KCMF1: variants seen among roughly 807,000 people sequenced by gnomAD.
KCMF1 encodes the protein potassium channel modulatory factor 1, also known as E3 ubiquitin-protein ligase KCMF1.
In KCMF1, 3 loss-of-function variants were observed where a neutral mutation model predicts 41.1. The ratio of observed to expected loss-of-function variants is 0.07; its 90% CI spans 0.03 to 0.19. The LOEUF is 0.19. Among genes scored for constraint, KCMF1 ranks in the 10% least tolerant of loss-of-function variants. The pLI is 1.00. For synonymous variants in KCMF1, 142 were observed against 164.5 expected (o/e 0.86, Z 1.04); for missense variants, 286 against 488.9 (o/e 0.58, Z 3.91).
At chr2:85,039,623 T>G (rs942611244) in intron 3 of KCMF1, among the ~76,000 whole-genome samples, 6 of 152,058 alleles carry the variant, frequency 3.9e-5, no homozygotes, top group Non-Finnish European at 7.4e-5. Context: ...TGGAACCATG[T>G]GGAAAAATGG....
chr2:85,033,011 A>G (rs1464071197), intron 2 of KCMF1, among the ~76,000 whole-genome samples: 1 of 152,212 alleles, frequency 6.6e-6, no homozygotes, highest in East Asian at 1.9e-4. Context: ...GAAAGCATCC[A>G]GTCTTTCACC....
chr2:85,010,136 A>G (rs1274814204), intron 1 of KCMF1, among the ~76,000 whole-genome samples: 1 of 152,108 alleles, frequency 6.6e-6, no homozygotes, highest in Non-Finnish European at 1.5e-5. Flanking sequence ...TCAATACAAA[A>G]TTTTAAGAGT....
chr2:85,040,189 T>C (rs1675492316), intron 3 of KCMF1, among the ~76,000 whole-genome samples: 1 of 152,160 alleles, frequency 6.6e-6, no homozygotes, highest in African/African-American at 2.4e-5. Context: ...AATTGACAAG[T>C]TGTTGTAATT....
intron 1 of KCMF1, among the ~76,000 whole-genome samples, chr2:85,011,330 C>T (rs2104004556): frequency 6.6e-6 from 1 of 152,182 alleles, no homozygotes; most frequent in East Asian, 1.9e-4. Flanking sequence ...CCCATAGAAT[C>T]CTTCATTTCT....
At chr2:85,013,619 G>A (rs528686806) in intron 1 of KCMF1, among the ~76,000 whole-genome samples, 159 of 152,136 alleles carry the variant, frequency 1.0e-3, no homozygotes, top group African/African-American at 3.4e-3. Context: ...CCAGCATGGT[G>A]AAACCCCGTC....
rs564761566 is a variant in KCMF1 at position 85,056,769 on chromosome 2, CTT to C, written c.*3361_*3362del. The C allele has an allele frequency of 4.4e-3, 664 of 152,288 alleles. 5 individuals carry two copies. The highest frequency in any genetic ancestry group is 0.01 in the Middle Eastern group (3 of 294). The allele number at this position is 152,288 out of a possible 1,614,324, so 9.4% of individuals were successfully genotyped here. A position where few individuals can be genotyped will look rare whatever the true frequency, so the allele number is the denominator to read the frequency against. On this transcript the variant is annotated 3_prime_UTR_variant, in exon 7 of 7. Coordinates refer to ENST00000409785, the MANE Select transcript of KCMF1 (RefSeq NM_020122.5). ...GATGGAGGAATGGGTGCTAAAAGCTCTTAACAGTTTTGTAGAGAAGCCCTGCA... is the reference window on the plus strand; with the variant it reads ...GATGGAGGAATGGGTGCTAAAAGCTCAACAGTTTTGTAGAGAAGCCCTGCA...
At chr2:84,972,147 A>C (rs1673414509) in intron 1 of KCMF1, 1 of 152,212 alleles carries the variant, frequency 6.6e-6, no homozygotes, top group Non-Finnish European at 1.5e-5. Flanking sequence ...CTCCCTGCTC[A>C]GTCACCCAGG....
chr2:84,994,823 T>C (rs569243492), intron 1 of KCMF1, among the ~76,000 whole-genome samples: 2 of 152,370 alleles, frequency 1.3e-5, no homozygotes, highest in African/African-American at 4.8e-5. Flanking sequence ...ATTTGGTTGA[T>C]AGGTCCTTTA....
rs151112729 is a variant in KCMF1 at position 85,011,053 on chromosome 2, A to G, written c.17-16836A>G. Among the ~76,000 whole-genome samples the G allele has an allele frequency of 4.6e-3, 704 of 152,232 alleles. 11 individuals carry two copies. Among genetic ancestry groups the G allele is most frequent in the Non-Finnish European group, 3.2e-3 (215 of 68,020 alleles). The stretch of plus-strand genomic sequence containing the variant: ...GAAGTGGGGTTTCACCGTGTTGGCC[A>G]TGATGGTCTCGATCTCTTGACCTTG... On this transcript the variant is annotated intron_variant, in intron 1 of 6. Transcript: ENST00000409785.
Position 85,035,137 on chromosome 2 carries a change from A to G in KCMF1, c.306A>G (p.Ala102=), listed in dbSNP as rs1297904065. ...AAGAACATGTTACTTCTGAACATGC[A>G]GAAACATCAACAGAAGTGGTAAGTG... ...SLQEHVTSEH[A]ETSTEVICPI... The change falls in exon 3 of 7, where the codon GCA becomes GCG. Residue 102 remains alanine, a synonymous_variant. Coordinates refer to ENST00000409785, the MANE Select transcript of KCMF1 (RefSeq NM_020122.5). 5 of 1,612,876 alleles carry G rather than the reference A, an allele frequency of 3.1e-6. No homozygotes were observed. The highest frequency in any genetic ancestry group is 4.2e-6 in the Non-Finnish European group (5 of 1,179,490).
intron 1 of KCMF1, among the ~76,000 whole-genome samples, chr2:85,002,132 C>G (rs1674347978): frequency 6.6e-6 from 1 of 152,150 alleles, no homozygotes; most frequent in African/African-American, 2.4e-5. Flanking sequence ...ATTGCAAATA[C>G]AAAATTGTTA....
rs1053735113 is a variant in KCMF1, at chr2:85,056,201, G to A, written c.*2792G>A. On this transcript the variant is annotated 3_prime_UTR_variant, in exon 7 of 7. Coordinates refer to ENST00000409785, the MANE Select transcript of KCMF1 (RefSeq NM_020122.5). The stretch of plus-strand genomic sequence containing the variant: ...ATAATTAGGCTCAGGTAAAGTAAGA[G>A]AAAACTTCTCTCCCTGTGGCCCCCA... 6.7e-6 allele frequency: 1 copy of A among 149,826 alleles called. No individual in the cohort carries two copies. The highest frequency in any genetic ancestry group is 1.5e-5 in the Non-Finnish European group (1 of 67,734). 9.3% of individuals were successfully genotyped at this position (149,826 alleles called of 1,614,324 possible).
intron 1 of KCMF1, among the ~76,000 whole-genome samples, chr2:84,978,120 C>T (rs1482259610): frequency 3.3e-5 from 5 of 151,992 alleles, no homozygotes; most frequent in Non-Finnish European, 5.9e-5. Context: ...GCCTCAGCCT[C>T]TCGAGTAGCT....
intron 1 of KCMF1, among the ~76,000 whole-genome samples, chr2:85,008,312 TATATATATC>T (rs1558573444): frequency 0.058 from 1,039 of 17,768 alleles, 37 homozygotes; most frequent in Middle Eastern, 0.12. Context: ...TATAATATGA[TATATATATC>T]ATATATAATA....
intron 1 of KCMF1, among the ~76,000 whole-genome samples, chr2:85,019,621 A>G (rs1674876797): frequency 6.6e-6 from 1 of 152,112 alleles, no homozygotes; most frequent in African/African-American, 2.4e-5. Flanking sequence ...GCTAATCACC[A>G]AAAAACCCTC....
At chr2:85,028,581 C>G (rs1333717818) in intron 2 of KCMF1, among the ~76,000 whole-genome samples, 3 of 150,976 alleles carry the variant, frequency 2.0e-5, no homozygotes, top group Non-Finnish European at 2.9e-5. Flanking sequence ...CCTCCACCCC[C>G]CAGGTTCAAG....
intron 2 of KCMF1, among the ~76,000 whole-genome samples, chr2:85,032,266 G>GCTTCAAGCGATTCTCCTGC (rs1675295550): frequency 1.3e-5 from 2 of 152,108 alleles, no homozygotes; most frequent in Non-Finnish European, 2.9e-5. Context: ...CCGCCTCCTG[G>GCTTCAAGCGATTCTCCTGC]CTTCAAGCGA....
intron 2 of KCMF1, among the ~76,000 whole-genome samples, chr2:85,029,941 C>G (rs1675224596): frequency 6.6e-6 from 1 of 152,024 alleles, no homozygotes; most frequent in South Asian, 2.1e-4. Flanking sequence ...TGCGGGCCTC[C>G]CAGAGTGCTG....
chr2:85,044,852 C>T (rs1241987735), intron 4 of KCMF1, among the ~76,000 whole-genome samples: 1 of 152,222 alleles, frequency 6.6e-6, no homozygotes, highest in Non-Finnish European at 1.5e-5. Context: ...TTCCTTGTCT[C>T]TCAACAGTTT....
Sources: allele counts gnomAD v4.1 joint callset (sites outside exome capture counted in the v4.1 genomes callset), GRCh38; gene constraint gnomAD v4.1.1; transcripts MANE v1.5; gene names NCBI Gene and HGNC (gene_info 2026-07-23, HGNC 2026-07-21).